Variants in OR56A3 observed in about 807,000 individuals in gnomAD.
OR56A3 encodes olfactory receptor 56A3.
Under a neutral mutation model 17.5 loss-of-function variants are expected in OR56A3, and 23 were observed. The observed-to-expected ratio is 1.32, with a 90% CI of 0.95 to 1.87. The LOEUF (loss-of-function observed/expected upper bound fraction) is 1.87, where lower values mean the gene tolerates loss of function less well. Among genes scored for constraint, OR56A3 ranks in the 40% most tolerant of loss-of-function variants. The pLI, the probability that OR56A3 is intolerant of heterozygous loss-of-function variation, is 0.00. For missense variants in OR56A3, 366 were observed against 380.1 expected, an observed-to-expected ratio of 0.96 and a Z score of 0.31; for synonymous variants, 175 against 150.6, an observed-to-expected ratio of 1.16 and a Z score of -1.19.
the OR56A3 span, chr11:6,002,556 C>G: frequency 1.2e-6 from 2 of 1,613,950 alleles, no homozygotes; most frequent in Non-Finnish European, 1.7e-6. Flanking sequence ...GACCACGGCC[C>G]TAGCCACAAA....
the OR56A3 span, among the ~76,000 whole-genome samples, chr11:5,957,471 G>A: frequency 1.3e-5 from 2 of 152,170 alleles, no homozygotes; most frequent in African/African-American, 4.8e-5. Context: ...TAGGGGAATA[G>A]CTTCCTATTC....
At chr11:6,005,194 G>A in the OR56A3 span, among the ~76,000 whole-genome samples, 6 of 152,250 alleles carry the variant, frequency 3.9e-5, no homozygotes, top group East Asian at 1.9e-4. Context: ...TGTGGGAGGG[G>A]AAAGGGGCTG....
the OR56A3 span, chr11:5,968,063 G>A: frequency 0.26 from 422,504 of 1,609,836 alleles, 55,856 homozygotes; most frequent in Middle Eastern, 0.28. Context: ...CAGCCCTAGC[G>A]ACAAATTGAT....
At chr11:5,965,402 A>G in the OR56A3 span, among the ~76,000 whole-genome samples, 12,223 of 152,250 alleles carry the variant, frequency 0.08, 932 homozygotes, top group African/African-American at 0.2. Flanking sequence ...TGGCCAAATC[A>G]GTATGCCTGG....
At chr11:5,985,908 G>T in the OR56A3 span, 1 of 1,547,624 alleles carries the variant, frequency 6.5e-7, no homozygotes, top group South Asian at 1.2e-5. Context: ...CGCAGAAGAA[G>T]CCTCCGAAGG....
the OR56A3 span, among the ~76,000 whole-genome samples, chr11:5,969,763 C>G: frequency 2.0e-5 from 3 of 152,104 alleles, no homozygotes; most frequent in Non-Finnish European, 4.4e-5. Context: ...ATTTCACACC[C>G]AAACTTAAAG....
chr11:6,011,625 A>T, the OR56A3 span, among the ~76,000 whole-genome samples: 1 of 152,146 alleles, frequency 6.6e-6, no homozygotes, highest in East Asian at 1.9e-4. Context: ...TGTCGCTTTT[A>T]TGGCTAGAAA....
At chr11:6,021,447 T>C in the OR56A3 span, 4 of 152,118 alleles carry the variant, frequency 2.6e-5, no homozygotes, top group East Asian at 7.7e-4. Context: ...ATGATGGATA[T>C]GCTAATTACC....
chr11:5,948,058 G>A lies in OR56A3; in HGVS notation c.712G>A (p.Val238Met), dbSNP rs192910465. 1.2e-5 allele frequency: 20 copies of A among 1,614,058 alleles called. No individual in the cohort carries two copies. The highest frequency in any genetic ancestry group is 1.6e-4 in the Middle Eastern group (1 of 6,084). Residue 238 changes from valine (V) to methionine (M), a missense_variant, in exon 3 of 3, where the codon GTG (valine) becomes ATG (methionine). Physicochemically the swap from Val to Met is conservative, Grantham distance 21. Coordinates refer to ENST00000641160, the MANE Select transcript of OR56A3 (RefSeq NM_001003443.3). Reference protein sequence around the residue: ...AVLRLKAEGAVAKALSTCGSH... With the variant: ...AVLRLKAEGAMAKALSTCGSH... ...GCTGAGACTCAAGGCAGAGGGTGCC[G>A]TGGCAAAGGCCCTAAGCACATGTGG...
At chr11:5,990,520 G>T in the OR56A3 span, among the ~76,000 whole-genome samples, 1 of 152,276 alleles carries the variant, frequency 6.6e-6, no homozygotes, top group South Asian at 2.1e-4. Context: ...ACTCTGCACT[G>T]CTTCTAGCAG....
At chr11:6,011,668 G>T in the OR56A3 span, among the ~76,000 whole-genome samples, 1 of 152,078 alleles carries the variant, frequency 6.6e-6, no homozygotes, top group East Asian at 1.9e-4. Context: ...CCTGAGTTTT[G>T]CCTGGGCCCA....
Position 5,948,295 on chromosome 11 carries a change from C to A in OR56A3, c.*1C>A. On this transcript the variant is annotated 3_prime_UTR_variant, in exon 3 of 3. Coordinates refer to ENST00000641160, the MANE Select transcript of OR56A3 (RefSeq NM_001003443.3). ...GAGGTTGTTGAAGAAAGGGTGCTAA[C>A]AAGGACCACTGGATCTCTGAATATC... 6.3e-7 allele frequency: 1 copy of A among 1,594,194 alleles called. No individual in the cohort carries two copies. The highest frequency in any genetic ancestry group is 8.6e-7 in the Non-Finnish European group (1 of 1,162,438).
chr11:5,985,787 G>C, the OR56A3 span: 1 of 676,782 alleles, frequency 1.5e-6, no homozygotes, highest in Non-Finnish European at 2.4e-6. Flanking sequence ...AATAAGCCAA[G>C]TATCTGTGGG....
chr11:5,972,670 C>T, the OR56A3 span, among the ~76,000 whole-genome samples: 83 of 152,330 alleles, frequency 5.4e-4, no homozygotes, highest in South Asian at 1.0e-3. Flanking sequence ...CCCATGAGAG[C>T]CAGGCTGGAG....
chr11:5,967,109 A>G, the OR56A3 span: 1 of 157,472 alleles, frequency 6.4e-6, no homozygotes, highest in East Asian at 1.9e-4. Context: ...CTATATGTCC[A>G]CAAGAGATCC....
the OR56A3 span, among the ~76,000 whole-genome samples, chr11:5,974,427 G>GAAA: frequency 5.3e-5 from 8 of 152,072 alleles, no homozygotes; most frequent in African/African-American, 1.7e-4. Context: ...TCTTGTCAGT[G>GAAA]AAATCCTTTT....
At chr11:5,989,572 G>T in the OR56A3 span, among the ~76,000 whole-genome samples, 11 of 152,230 alleles carry the variant, frequency 7.2e-5, no homozygotes, top group East Asian at 1.9e-3. Flanking sequence ...GTCTGCAAGT[G>T]CTTAGTAAAT....
At chr11:6,017,305 A>G in the OR56A3 span, among the ~76,000 whole-genome samples, 2 of 152,240 alleles carry the variant, frequency 1.3e-5, no homozygotes, top group African/African-American at 2.4e-5. Context: ...ATCTAGATAT[A>G]GGAAGCTCAA....
chr11:6,000,856 G>A, the OR56A3 span: 5 of 152,162 alleles, frequency 3.3e-5, no homozygotes, highest in East Asian at 5.8e-4. Flanking sequence ...AAAAAATGCT[G>A]TAACATATTA....
Sources: allele counts gnomAD v4.1 joint callset (sites outside exome capture counted in the v4.1 genomes callset), GRCh38; gene constraint gnomAD v4.1.1; transcripts MANE v1.5; gene names NCBI Gene and HGNC (gene_info 2026-07-23, HGNC 2026-07-21).